The following C19orf44 variants were observed in gnomAD, a reference collection of about 807,000 sequenced individuals.
C19orf44 encodes uncharacterized protein C19orf44.
Under a neutral mutation model 50.7 loss-of-function variants are expected in C19orf44, and 43 were observed. That is an observed-to-expected ratio of 0.85 (90% CI 0.66 to 1.09). The LOEUF (loss-of-function observed/expected upper bound fraction) is 1.09. Among genes scored for constraint, C19orf44 ranks in the 50% least tolerant of loss-of-function variants. The pLI is 0.00. For missense variants in C19orf44, 722 were observed against 836.2 expected (o/e 0.86, Z 1.68); for synonymous variants, 298 against 334.7 (o/e 0.89, Z 1.20).
rs183529204 is a variant in C19orf44, at chr19:16,505,204, C to T, written c.1076-1497C>T. 1.6e-3 allele frequency among the ~76,000 whole-genome samples: 224 copies of T among 144,116 alleles called. 1 individual carries two copies. Among genetic ancestry groups the T allele is most frequent in the African/African-American group, 5.3e-3 (205 of 38,848 alleles). 94.5% of individuals were successfully genotyped at this position (144,116 alleles called of 152,430 possible). On this transcript the variant is annotated intron_variant, in intron 3 of 8. Coordinates refer to ENST00000221671, the MANE Select transcript of C19orf44 (RefSeq NM_032207.4). ...GATTACAGGCATGAGCCACTGTGCC[C>T]GGCCCTGTCTTCTGTCTGTTTTTTT...
At chr19:16,517,176 C>G (rs1406188700) in intron 7 of C19orf44, 54 bp from the exon 8 acceptor site, 1 of 1,537,656 alleles carries the variant, frequency 6.5e-7, no homozygotes, top group Non-Finnish European at 9.0e-7. Flanking sequence ...CACCCTGTCT[C>G]AGAGTGTACT....
At chr19:16,516,763 G>C (rs982056693) in intron 7 of C19orf44, among the ~76,000 whole-genome samples, 3 of 152,210 alleles carry the variant, frequency 2.0e-5, no homozygotes, top group African/African-American at 7.2e-5. Flanking sequence ...TCGTTTCCTT[G>C]TGGTTTATCT....
intron 5 of C19orf44, among the ~76,000 whole-genome samples, chr19:16,511,879 G>C (rs1267213602): frequency 6.6e-6 from 1 of 152,018 alleles, no homozygotes; most frequent in African/African-American, 2.4e-5. Context: ...GCCTGGTGTG[G>C]TGGCACGCAT....
chr19:16,516,564 T>A (rs2093472892), intron 7 of C19orf44, among the ~76,000 whole-genome samples: 1 of 152,234 alleles, frequency 6.6e-6, no homozygotes, highest in African/African-American at 2.4e-5. Context: ...ATCCGATATG[T>A]CCTTTGAGCC....
At position 16,514,623 on chromosome 19, in the gene C19orf44, C is replaced by T. The variant is rs757296654; in HGVS notation, c.1862C>T (p.Ala621Val). ...LHASLLRSLD[A>V]DSFHYHTLEE... ...GCCTCCCTCCTGCGCTCCCTGGACG[C>T]GGACTCCTTCCACTACCACACCCTG... The change falls in exon 7 of 9, where the codon GCG becomes GTG. Residue 621 changes from alanine to valine, a missense_variant. Physicochemically the swap from Ala to Val is moderately conservative, Grantham distance 64. Coordinates refer to ENST00000221671, the MANE Select transcript of C19orf44 (RefSeq NM_032207.4). 59 of 1,590,646 alleles carry T rather than the reference C, an allele frequency of 3.7e-5. No homozygotes were observed. Among genetic ancestry groups the T allele is most frequent in the African/African-American group, 6.7e-5 (5 of 74,574 alleles).
chr19:16,513,044 TG>T lies in C19orf44; in HGVS notation c.1673del (p.Gly558GlufsTer20), dbSNP rs2093462011. On this transcript the variant is annotated frameshift_variant, in exon 6 of 9. Coordinates refer to ENST00000221671, the MANE Select transcript of C19orf44 (RefSeq NM_032207.4). LOFTEE classifies it high-confidence loss of function. ...AGCATGGCAGCCATGGGGCCTGCCC[TG>T]GGAGGCGCCTACGTGGACCCGACAC... ...VASMAAMGPALGGAYVDPTPI... is the reference protein window; with the variant it reads ...VASMAAMGPAXGGAYVDPTPI... 5 of 1,613,552 alleles carry T rather than the reference TG, an allele frequency of 3.1e-6. No homozygotes were observed. The African/African-American group carries it at 4.0e-5, about 13-fold the overall frequency.
chr19:16,520,940 C>A lies in C19orf44; in HGVS notation c.*887C>A, dbSNP rs368355916. On this transcript the variant is annotated 3_prime_UTR_variant, in exon 9 of 9. Coordinates refer to ENST00000221671, the MANE Select transcript of C19orf44 (RefSeq NM_032207.4). This position sits in a 1 kb window ranked among gnomAD's most constrained non-coding sequence, Gnocchi z 4.0. Reference sequence around the variant, plus strand: ...GTAAGACACGGCATTCCGTGTGTGACCACGTGACACCCACCCACAAGGAAG... The same window carrying A: ...GTAAGACACGGCATTCCGTGTGTGAACACGTGACACCCACCCACAAGGAAG... The A allele has an allele frequency of 9.8e-5, 155 of 1,580,358 alleles. No individual in the cohort carries two copies. The highest frequency in any genetic ancestry group is 1.3e-4 in the Non-Finnish European group (145 of 1,150,392).
Position 16,520,400 on chromosome 19 carries a change from C to T in C19orf44, c.*347C>T, listed in dbSNP as rs373643502. 1.0e-4 allele frequency: 164 copies of T among 1,613,904 alleles called. No homozygotes were observed. The highest frequency in any genetic ancestry group is 1.3e-4 in the Non-Finnish European group (155 of 1,179,994). On this transcript the variant is annotated 3_prime_UTR_variant, in exon 9 of 9. Transcript: ENST00000221671. This position sits in a 1 kb window ranked among gnomAD's most constrained non-coding sequence, Gnocchi z 4.0. ...GCGGGAGTAGGAACGGGAGCAGGAG[C>T]GCGACCTTGACCTTGAGTACGAGCC...
intron 7 of C19orf44, 92 bp from the exon 8 acceptor site, chr19:16,517,138 C>G: frequency 8.5e-7 from 1 of 1,176,356 alleles, no homozygotes; most frequent in Non-Finnish European, 1.2e-6. Flanking sequence ...CTGCTGGGGA[C>G]AGGTGCTGGC....
Position 16,517,313 on chromosome 19 carries a change from T to C in C19orf44, c.*12T>C. On this transcript the variant is annotated 3_prime_UTR_variant, in exon 8 of 9. Coordinates refer to ENST00000221671, the MANE Select transcript of C19orf44 (RefSeq NM_032207.4). Reference sequence around the variant, plus strand: ...ACAAGGAGCTGTGAGCGCCAGCAGGTGGAGCTTGACGTGACGTCTTAACAA... The same window carrying C: ...ACAAGGAGCTGTGAGCGCCAGCAGGCGGAGCTTGACGTGACGTCTTAACAA... The C allele has an allele frequency of 3.7e-6, 6 of 1,613,438 alleles. No individual in the cohort carries two copies. Among genetic ancestry groups the C allele is most frequent in the Non-Finnish European group, 5.1e-6 (6 of 1,179,540 alleles).
In C19orf44 at chr19:16,517,532, G is replaced by A. The variant is rs149060875; in HGVS notation, c.*40+191G>A. On this transcript the variant is annotated intron_variant, in intron 8 of 8. Transcript: ENST00000221671. ...TGCGGTGAGGGCCCCAGACTCCTCT[G>A]AGCCAAATCCCAGCTCAGTGACAGC... Among the ~76,000 whole-genome samples the A allele has an allele frequency of 2.4e-4, 37 of 152,300 alleles. No homozygotes were observed. In the East Asian group the frequency reaches 6.4e-3, roughly 26 times the overall value.
intron 2 of C19orf44, 28 bp from the exon 3 acceptor site, chr19:16,503,037 T>G (rs2093430258): frequency 1.9e-6 from 3 of 1,571,730 alleles, no homozygotes; most frequent in Non-Finnish European, 1.7e-6. Context: ...TTGTCATAAG[T>G]TTGTTAATTT....
At position 16,520,305 on chromosome 19, in the gene C19orf44, G is replaced by A. The variant is rs796284844; in HGVS notation, c.*252G>A. ...GCCCAAGGGTCAGCAGCAGCCAGGCGTCGTGGGGAGGCCACAGGAAGAGGC... is the reference window on the plus strand; with the variant it reads ...GCCCAAGGGTCAGCAGCAGCCAGGCATCGTGGGGAGGCCACAGGAAGAGGC... On this transcript the variant is annotated 3_prime_UTR_variant, in exon 9 of 9. Coordinates refer to ENST00000221671, the MANE Select transcript of C19orf44 (RefSeq NM_032207.4). This position sits in a 1 kb window ranked among gnomAD's most constrained non-coding sequence, Gnocchi z 4.0. 22 of 1,611,326 alleles carry A rather than the reference G, an allele frequency of 1.4e-5. No individual in the cohort carries two copies. The highest frequency in any genetic ancestry group is 3.3e-4 in the Middle Eastern group (2 of 6,052).
intron 2 of C19orf44, 40 bp from the exon 3 acceptor site, chr19:16,503,025 A>T: frequency 6.5e-7 from 1 of 1,545,586 alleles, no homozygotes; most frequent in Non-Finnish European, 8.8e-7. Context: ...AAAAAACCTT[A>T]GTTGTCATAA....
rs1305506326 is a variant in C19orf44 at position 16,510,185 on chromosome 19, T to G, written c.1639+197T>G. 4.4e-6 allele frequency: 3 copies of G among 685,092 alleles called. No individual in the cohort carries two copies. In the East Asian group the frequency reaches 9.4e-5, roughly 22 times the overall value. 42.4% of individuals were successfully genotyped at this position (685,092 alleles called of 1,614,324 possible). On this transcript the variant is annotated intron_variant, in intron 5 of 8. Coordinates refer to ENST00000221671, the MANE Select transcript of C19orf44 (RefSeq NM_032207.4). ...ACTTTGGGAGGCCGAGGCGGGAGGATCACTTGAGGTCAGGAGTTCAAGACC... is the reference window on the plus strand; with the variant it reads ...ACTTTGGGAGGCCGAGGCGGGAGGAGCACTTGAGGTCAGGAGTTCAAGACC...
chr19:16,515,177 C>T (rs1246116196), intron 7 of C19orf44, among the ~76,000 whole-genome samples: 4 of 152,092 alleles, frequency 2.6e-5, no homozygotes, highest in African/African-American at 7.2e-5. Context: ...GCCCGGCCAA[C>T]GTGGTGAAGC....
intron 7 of C19orf44, among the ~76,000 whole-genome samples, chr19:16,515,686 T>C (rs2093469522): frequency 6.6e-6 from 1 of 152,126 alleles, no homozygotes; most frequent in South Asian, 2.1e-4. Context: ...CCTGCCACCA[T>C]GCCCAGCTAA....
chr19:16,520,609 G>T lies in C19orf44; in HGVS notation c.*556G>T. The T allele has an allele frequency of 7.2e-7, 1 of 1,381,990 alleles. No individual in the cohort carries two copies. Among genetic ancestry groups the T allele is most frequent in the East Asian group, 2.3e-5 (1 of 43,682 alleles). 85.6% of individuals were successfully genotyped at this position (1,381,990 alleles called of 1,614,324 possible). On this transcript the variant is annotated 3_prime_UTR_variant, in exon 9 of 9. Transcript: ENST00000221671. The surrounding 1 kb of genome is among the most constrained non-coding windows in gnomAD (Gnocchi z 4.0). Reference sequence around the variant, plus strand: ...GACCACCCCAGATGCAGGGGCTCTGGCTGTGGATGTGGCGCCATAGCCACA... The same window carrying T: ...GACCACCCCAGATGCAGGGGCTCTGTCTGTGGATGTGGCGCCATAGCCACA...
chr19:16,509,825 CAG>C lies in C19orf44; in HGVS notation c.1478_1479del (p.Arg493AsnfsTer7). On this transcript the variant is annotated frameshift_variant, in exon 5 of 9. Coordinates refer to ENST00000221671, the MANE Select transcript of C19orf44 (RefSeq NM_032207.4). LOFTEE classifies it high-confidence loss of function. Reference sequence around the variant, plus strand: ...CCGCCCATTCCAAGGAGTCTCTTGACAGAACACTGGACGCTTTGTCTGAATCC... The same window carrying C: ...CCGCCCATTCCAAGGAGTCTCTTGACAACACTGGACGCTTTGTCTGAATCC... The part of the protein sequence containing the change: ...PTAHSKESLD[R>X]TLDALSESSS... 2 of 1,614,246 alleles carry C rather than the reference CAG, an allele frequency of 1.2e-6. No individual in the cohort carries two copies. The highest frequency in any genetic ancestry group is 1.7e-6 in the Non-Finnish European group (2 of 1,180,044).
Sources: gnomAD v4.1 joint callset for allele counts (sites outside exome capture counted in the v4.1 genomes callset) on GRCh38, gnomAD v4.1.1 for gene constraint, Gnocchi (gnomAD v3.1) non-coding constraint, MANE v1.5 for transcripts, NCBI Gene and HGNC (gene_info 2026-07-23, HGNC 2026-07-21) for gene names.